Variants in CACNB2 observed in about 807,000 individuals in gnomAD.
CACNB2 encodes voltage-dependent L-type calcium channel subunit beta-2.
Under a neutral mutation model 73.3 loss-of-function variants are expected in CACNB2, and 42 were observed. The observed-to-expected ratio is 0.57, with a 90% CI of 0.45 to 0.74. CACNB2 has a LOEUF of 0.74. CACNB2 is among the 30% of genes least tolerant of loss of function. The pLI, the probability that CACNB2 is intolerant of heterozygous loss-of-function variation, is 0.00. For missense variants in CACNB2, 940 were observed against 853.0 expected (o/e 1.10, Z -1.27); for synonymous variants, 348 against 310.3 (o/e 1.12, Z -1.28).
intron 3 of CACNB2, among the ~76,000 whole-genome samples, chr10:18,452,576 C>G (rs947539146): frequency 5.3e-5 from 8 of 152,200 alleles, no homozygotes; most frequent in African/African-American, 1.9e-4. Flanking sequence ...CAGGGTCTTG[C>G]TCTGTTAGCC....
At chr10:18,304,970 T>A (rs1340223272) in intron 2 of CACNB2, among the ~76,000 whole-genome samples, 1 of 152,254 alleles carries the variant, frequency 6.6e-6, no homozygotes, top group Non-Finnish European at 1.5e-5. Context: ...AATGTCAACT[T>A]TGAGAAATAG....
intron 3 of CACNB2, among the ~76,000 whole-genome samples, chr10:18,446,899 T>TA (rs1240274679): frequency 6.6e-6 from 1 of 151,860 alleles, no homozygotes; most frequent in Non-Finnish European, 1.5e-5. Context: ...ACCCTGTCTC[T>TA]AAAAAAATAA....
chr10:18,394,762 AT>A (rs1337345250), intron 2 of CACNB2, among the ~76,000 whole-genome samples: 1 of 152,224 alleles, frequency 6.6e-6, no homozygotes, highest in Non-Finnish European at 1.5e-5. Flanking sequence ...AATATTTGCA[AT>A]TATTATCATT....
intron 2 of CACNB2, among the ~76,000 whole-genome samples, chr10:18,198,907 TTCAC>T (rs2131301533): frequency 6.6e-6 from 1 of 152,342 alleles, no homozygotes; most frequent in South Asian, 2.1e-4. Context: ...AATGTTAAAA[TTCAC>T]TCATTAATAT....
intron 3 of CACNB2, among the ~76,000 whole-genome samples, chr10:18,431,736 T>C (rs557012013): frequency 1.3e-5 from 2 of 151,566 alleles, no homozygotes; most frequent in Non-Finnish European, 2.9e-5. Flanking sequence ...GCCCCAAAGA[T>C]ATCTTTGTTG....
chr10:18,374,883 A>G (rs566197694), intron 2 of CACNB2, among the ~76,000 whole-genome samples: 3 of 152,304 alleles, frequency 2.0e-5, no homozygotes, highest in East Asian at 3.9e-4. Context: ...TTTGTCCAGT[A>G]GCCCCTAGAC....
At chr10:18,273,333 C>A (rs1034807901) in intron 2 of CACNB2, among the ~76,000 whole-genome samples, 2 of 151,880 alleles carry the variant, frequency 1.3e-5, no homozygotes, top group African/African-American at 4.8e-5. Context: ...AAGAGGATTT[C>A]CCTGAGGAAA....
chr10:18,400,991 C>T (rs373457804), intron 2 of CACNB2: 14 of 1,613,588 alleles, frequency 8.7e-6, no homozygotes, highest in African/African-American at 6.7e-5. Flanking sequence ...GAACCTGTGC[C>T]CGGGGCTGCA....
chr10:18,220,219 A>AGAGAGAGAGGG (rs2035706183), intron 2 of CACNB2, among the ~76,000 whole-genome samples: 1 of 56,598 alleles, frequency 1.8e-5, no homozygotes, highest in African/African-American at 1.0e-4. Flanking sequence ...ATATATATAT[A>AGAGAGAGAGGG]TATATATATA....
At chr10:18,390,836 T>C (rs1390373367) in intron 2 of CACNB2, among the ~76,000 whole-genome samples, 2 of 152,220 alleles carry the variant, frequency 1.3e-5, no homozygotes, top group African/African-American at 4.8e-5. Flanking sequence ...AGTGCATTCT[T>C]TCTAGTAGCT....
At chr10:18,533,986 C>T (rs1286227111) in intron 10 of CACNB2, 90 bp from the exon 11 acceptor site, 2 of 1,220,076 alleles carry the variant, frequency 1.6e-6, no homozygotes, top group African/African-American at 3.0e-5. Flanking sequence ...TAATGGCTGA[C>T]CTACTCACCT....
At chr10:18,458,817 G>T (rs1259183384) in intron 3 of CACNB2, among the ~76,000 whole-genome samples, 4 of 147,066 alleles carry the variant, frequency 2.7e-5, no homozygotes, top group Non-Finnish European at 6.0e-5. Context: ...CTAGGCTGGA[G>T]GGCAATGGCG....
intron 3 of CACNB2, among the ~76,000 whole-genome samples, chr10:18,479,792 C>A (rs1465114953): frequency 6.6e-6 from 1 of 152,166 alleles, no homozygotes; most frequent in Non-Finnish European, 1.5e-5. Flanking sequence ...TTTCCTGAGG[C>A]CTCCTGTTAA....
chr10:18,225,588 CCTT>C (rs1564358747), intron 2 of CACNB2, among the ~76,000 whole-genome samples: 6 of 127,090 alleles, frequency 4.7e-5, no homozygotes, highest in Admixed American at 1.7e-4. Flanking sequence ...CTCCTTCCTT[CCTT>C]CCTTCCTTCC....
chr10:18,294,204 A>G (rs781583749), intron 2 of CACNB2, among the ~76,000 whole-genome samples: 4 of 152,360 alleles, frequency 2.6e-5, no homozygotes, highest in Admixed American at 2.6e-4. Context: ...CTTGTGGAAC[A>G]CTGCAAGCCC....
In CACNB2 at chr10:18,536,198, T is replaced by TAAGTTATCTCTATATACA. The variant is rs1237000377; in HGVS notation, c.1302+3_1302+20dup. The TAAGTTATCTCTATATACA allele has an allele frequency of 6.7e-7, 1 of 1,499,522 alleles. No homozygotes were observed. The highest frequency in any genetic ancestry group is 1.7e-5 in the Admixed American group (1 of 58,856). The allele number at this position is 1,499,522 out of a possible 1,614,324, so 92.9% of individuals were successfully genotyped here. ...GATAAACTGGCTCAGTGTCCTCCAG[T>TAAGTTATCTCTATATACA]AAGTTATCTCTATATACAGCATAAT... On this transcript the variant is annotated splice_region_variant and intron_variant, in intron 12 of 13. Transcript: ENST00000324631.
intron 2 of CACNB2, among the ~76,000 whole-genome samples, chr10:18,360,582 C>G (rs2042102532): frequency 6.6e-6 from 1 of 152,188 alleles, no homozygotes; most frequent in African/African-American, 2.4e-5. Context: ...TTATCACTCA[C>G]AAGAGTCCTG....
chr10:18,441,734 A>G (rs909914452), intron 3 of CACNB2, among the ~76,000 whole-genome samples: 3 of 152,132 alleles, frequency 2.0e-5, no homozygotes, highest in Non-Finnish European at 4.4e-5. Flanking sequence ...TCCTGGGTTC[A>G]AGCCATCCTC....
At chr10:18,217,182 A>G (rs1232560367) in intron 2 of CACNB2, among the ~76,000 whole-genome samples, 2 of 152,138 alleles carry the variant, frequency 1.3e-5, no homozygotes, top group Non-Finnish European at 2.9e-5. Context: ...AAAGCTATAA[A>G]CAAATACTAT....
Sources: gnomAD v4.1 joint callset for allele counts (sites outside exome capture counted in the v4.1 genomes callset) on GRCh38, gnomAD v4.1.1 for gene constraint, MANE v1.5 for transcripts, NCBI Gene and HGNC (gene_info 2026-07-23, HGNC 2026-07-21) for gene names.